LTBP2: variants seen among roughly 807,000 people sequenced by gnomAD.
The protein encoded by LTBP2 is latent transforming growth factor beta binding protein 2, also known as latent-transforming growth factor beta-binding protein 2.
LTBP2 carries 103 observed loss-of-function variants against 210.6 expected under a neutral mutation model. The ratio of observed to expected loss-of-function variants is 0.49; its 90% CI spans 0.42 to 0.58. The LOEUF (loss-of-function observed/expected upper bound fraction) is 0.58. Ranked by LOEUF, LTBP2 falls within the 20% of genes least tolerant of loss-of-function variation. The pLI is 0.00. For missense variants in LTBP2, 2,313 were observed against 2,494.5 expected (o/e 0.93, Z 1.55); for synonymous variants, 1,007 against 1,015.0 (o/e 0.99, Z 0.15).
At chr14:74,551,381 G>T in intron 6 of LTBP2, 31 bp from the exon 7 acceptor site, 1 of 1,525,564 alleles carries the variant, frequency 6.6e-7, no homozygotes, top group Non-Finnish European at 8.8e-7. Flanking sequence ...CAGAGCCAGG[G>T]AAGCAGGGCC....
intron 8 of LTBP2, among the ~76,000 whole-genome samples, chr14:74,544,715 A>G (rs1412362113): frequency 6.6e-6 from 1 of 151,504 alleles, no homozygotes; most frequent in East Asian, 1.9e-4. Flanking sequence ...ATCTCTAAAA[A>G]CCCCCATTTC....
In LTBP2 at chr14:74,555,582, G is replaced by A. The variant is rs752394539; in HGVS notation, c.942C>T (p.Ala314=). The A allele has an allele frequency of 6.2e-7, 1 of 1,612,292 alleles. No individual in the cohort carries two copies. The highest frequency in any genetic ancestry group is 8.5e-7 in the Non-Finnish European group (1 of 1,178,970). Residue 314 remains alanine (A), a synonymous_variant, in exon 4 of 36, where the codon GCC becomes GCT. Transcript: ENST00000261978. ...ATASSQLSSN[A]LPPGPGLEQR... is the part of the protein sequence containing the mutation. The stretch of plus-strand genomic sequence containing the variant: ...GCTCAAGGCCTGGTCCCGGGGGCAG[G>A]GCGTTGGAAGAGAGCTGGCTACTGG...
At chr14:74,584,496 C>G (rs2088177286) in intron 3 of LTBP2, among the ~76,000 whole-genome samples, 1 of 152,142 alleles carries the variant, frequency 6.6e-6, no homozygotes. Context: ...TGCCTTACAC[C>G]AGGCTTACCA....
At chr14:74,551,798 A>G (rs2087660679) in intron 6 of LTBP2, among the ~76,000 whole-genome samples, 1 of 152,296 alleles carries the variant, frequency 6.6e-6, no homozygotes, top group Middle Eastern at 3.4e-3. Flanking sequence ...CTGATCCCCT[A>G]AAGCATTCTG....
chr14:74,540,690 A>T (rs1469014615), intron 8 of LTBP2, among the ~76,000 whole-genome samples: 2 of 143,626 alleles, frequency 1.4e-5, no homozygotes, highest in Non-Finnish European at 3.0e-5. Flanking sequence ...GCGTGAACCC[A>T]GGAGGCGGAG....
intron 8 of LTBP2, among the ~76,000 whole-genome samples, chr14:74,542,475 G>A (rs1245903622): frequency 2.6e-5 from 4 of 152,174 alleles, no homozygotes; most frequent in African/African-American, 7.2e-5. Context: ...ATCTCAGCCT[G>A]TGATGACAGG....
At chr14:74,577,437 G>A (rs1014271667) in intron 3 of LTBP2, among the ~76,000 whole-genome samples, 1 of 151,848 alleles carries the variant, frequency 6.6e-6, no homozygotes, top group Non-Finnish European at 1.5e-5. Flanking sequence ...GCAAAGGGGA[G>A]AATGAGCACA....
chr14:74,566,257 A>T (rs1401307260), intron 3 of LTBP2, among the ~76,000 whole-genome samples: 1 of 152,192 alleles, frequency 6.6e-6, no homozygotes, highest in Non-Finnish European at 1.5e-5. Context: ...AGAAGGGCAG[A>T]GGGGGCCTAG....
At chr14:74,585,182 G>A (rs1461910838) in intron 3 of LTBP2, among the ~76,000 whole-genome samples, 4 of 152,150 alleles carry the variant, frequency 2.6e-5, no homozygotes, top group African/African-American at 9.7e-5. Context: ...CACTCCCCTT[G>A]TTCACTTTTC....
At position 74,611,134 on chromosome 14, in the gene LTBP2, A is replaced by G. The variant is rs1458990125; in HGVS notation, c.494+317T>C. Among the ~76,000 whole-genome samples the G allele has an allele frequency of 2.6e-5, 4 of 152,196 alleles. No homozygotes were observed. In the East Asian group the frequency reaches 7.7e-4, roughly 29 times the overall value. On this transcript the variant is annotated intron_variant, in intron 1 of 35. Transcript: ENST00000261978. ...TCTCAGATCCCGGCAGCGCTGCAAG[A>G]GTCTACAAGAGCTCGTTAGTTGCAG...
chr14:74,554,575 C>T lies in LTBP2; in HGVS notation c.1021+928G>A, dbSNP rs562181940. 7.9e-5 allele frequency among the ~76,000 whole-genome samples: 12 copies of T among 152,234 alleles called. No homozygotes were observed. The South Asian group carries it at 1.2e-3, about 16-fold the overall frequency. The stretch of plus-strand genomic sequence containing the variant: ...CAGACACAAAAGATGGTACATTGTA[C>T]GACTCCATTCATGTAAAATGTCAAG... On this transcript the variant is annotated intron_variant, in intron 4 of 35. Transcript: ENST00000261978.
At chr14:74,589,628 C>T (rs1436080169) in intron 2 of LTBP2, among the ~76,000 whole-genome samples, 1 of 152,206 alleles carries the variant, frequency 6.6e-6, no homozygotes, top group African/African-American at 2.4e-5. Flanking sequence ...GCCACCCCTC[C>T]ATCTGCCCAA....
chr14:74,516,748 G>C, intron 18 of LTBP2, 74 bp downstream of exon 18: 1 of 1,537,064 alleles, frequency 6.5e-7, no homozygotes, highest in South Asian at 1.2e-5. Context: ...AGGCGTGTTG[G>C]TGGTGGGCAG....
At chr14:74,549,361 G>A (rs28653569) in intron 8 of LTBP2, among the ~76,000 whole-genome samples, 3,201 of 152,264 alleles carry the variant, frequency 0.021, 44 homozygotes, top group South Asian at 0.08. Context: ...TTTTCCCATC[G>A]TCCAAAAGAG....
intron 3 of LTBP2, 27 bp downstream of exon 3, chr14:74,585,827 C>T (rs1256037901): frequency 1.2e-6 from 2 of 1,613,790 alleles, no homozygotes; most frequent in East Asian, 2.2e-5. Flanking sequence ...GCCCCAGACC[C>T]CAAGCCCCAT....
rs201664630 is a variant in LTBP2 at position 74,506,878 on chromosome 14, T to TGCGCGC, written c.3908-61_3908-56dup. 6 of 1,198,750 alleles carry TGCGCGC rather than the reference T, an allele frequency of 5.0e-6. No individual in the cohort carries two copies. The African/African-American group carries it at 9.7e-5, about 19-fold the overall frequency. The allele number at this position is 1,198,750 out of a possible 1,614,324, so 74.3% of individuals were successfully genotyped here. On this transcript the variant is annotated intron_variant, in intron 26 of 35. Coordinates refer to ENST00000261978, the MANE Select transcript of LTBP2 (RefSeq NM_000428.3). ...ATGTGTGTGTGTGTGTGTGTGTGTG[T>TGCGCGC]GCGCGCGCGCGTGTGTGCTCACTCT...
chr14:74,594,020 T>C (rs900942391), intron 2 of LTBP2, among the ~76,000 whole-genome samples: 1 of 152,134 alleles, frequency 6.6e-6, no homozygotes. Context: ...TCTATATAGA[T>C]TGTTATGCCC....
rs2087023919 is a variant in LTBP2 at position 74,508,638 on chromosome 14, G to A, written c.3618C>T (p.Gly1206=). 1 of 1,611,910 alleles carries A rather than the reference G, an allele frequency of 6.2e-7. No homozygotes were observed. Among genetic ancestry groups the A allele is most frequent in the Non-Finnish European group, 8.5e-7 (1 of 1,179,960 alleles). ...TGGTGCCCCCCTCTGCGCTGACGAA[G>A]CCAGGCGCGCACAGACAGAAGAAAG... ...HGSFFCLCAP[G]FVSAEGGTSC... Residue 1206 remains glycine (G), a synonymous_variant, in exon 24 of 36, where the codon GGC becomes GGT. Coordinates refer to ENST00000261978, the MANE Select transcript of LTBP2 (RefSeq NM_000428.3).
Position 74,540,906 on chromosome 14 carries a change from A to AT in LTBP2, c.1790-4907dup, listed in dbSNP as rs1305408943. ...TATATATTATATATTAAAAATATAT[A>AT]TATTTAAAATATATATAGGTTATAT... On this transcript the variant is annotated intron_variant, in intron 8 of 35. Transcript: ENST00000261978. Among the ~76,000 whole-genome samples, 322 of 97,078 alleles carry AT rather than the reference A, an allele frequency of 3.3e-3. 7 individuals carry two copies. Among genetic ancestry groups the AT allele is most frequent in the African/African-American group, 0.013 (305 of 23,618 alleles). The allele number at this position is 97,078 out of a possible 152,430, so 63.7% of individuals were successfully genotyped here. A position where few individuals can be genotyped will look rare whatever the true frequency, so the allele number is the denominator to read the frequency against.
Sources: allele counts gnomAD v4.1 joint callset (sites outside exome capture counted in the v4.1 genomes callset), GRCh38; gene constraint gnomAD v4.1.1; transcripts MANE v1.5; gene names NCBI Gene and HGNC (gene_info 2026-07-23, HGNC 2026-07-21).